ANKIB1: variants seen among roughly 807,000 people sequenced by gnomAD.
The protein encoded by ANKIB1 is ankyrin repeat and IBR domain-containing protein 1.
ANKIB1 carries 43 observed loss-of-function variants against 122.1 expected under a neutral mutation model. The ratio of observed to expected loss-of-function variants is 0.35; its 90% CI spans 0.28 to 0.45. The LOEUF (loss-of-function observed/expected upper bound fraction) is 0.45. ANKIB1 is among the 20% of genes least tolerant of loss of function. The pLI is 1.00. For synonymous variants in ANKIB1, 390 were observed against 442.0 expected (o/e 0.88, Z 1.48); for missense variants, 992 against 1,329.5 (o/e 0.75, Z 3.95).
chr7:92,337,387 C>T (rs1436460613), intron 5 of ANKIB1, among the ~76,000 whole-genome samples: 1 of 152,090 alleles, frequency 6.6e-6, no homozygotes, highest in East Asian at 1.9e-4. Flanking sequence ...TTTAAGAGCT[C>T]TCTTTTTAAA....
rs781148829 is a variant in ANKIB1, at chr7:92,398,470, CCATTTTCAA to C, written c.2793_2801del (p.Phe932_Thr934del). On this transcript the variant is annotated inframe_deletion, in exon 20 of 20. Coordinates refer to ENST00000265742, the MANE Select transcript of ANKIB1 (RefSeq NM_019004.2). ...CATGAGACTAGGAGCAGAGAATGAC[CCATTTTCAA>C]CTGACACCCTGAGCTCACACCCTCT... 3 of 1,613,766 alleles carry C rather than the reference CCATTTTCAA, an allele frequency of 1.9e-6. No individual in the cohort carries two copies. Among genetic ancestry groups the C allele is most frequent in the African/African-American group, 1.3e-5 (1 of 74,904 alleles).
chr7:92,319,571 T>A, intron 4 of ANKIB1, 59 bp downstream of exon 4: 1 of 1,518,114 alleles, frequency 6.6e-7, no homozygotes, highest in Non-Finnish European at 9.0e-7. Flanking sequence ...TTTTATGTTG[T>A]TTTGTATTTT....
chr7:92,326,591 A>G (rs535563486), intron 4 of ANKIB1, among the ~76,000 whole-genome samples: 5 of 152,188 alleles, frequency 3.3e-5, no homozygotes, highest in Non-Finnish European at 5.9e-5. Flanking sequence ...TCTAGAAGCA[A>G]TGTATGACTT....
chr7:92,341,916 G>A (rs1803448482), intron 5 of ANKIB1, among the ~76,000 whole-genome samples: 1 of 152,016 alleles, frequency 6.6e-6, no homozygotes, highest in African/African-American at 2.4e-5. Context: ...TAACCCCATC[G>A]TAAGTCAAGG....
intron 1 of ANKIB1, among the ~76,000 whole-genome samples, chr7:92,290,956 G>A (rs1802232276): frequency 6.6e-6 from 1 of 152,164 alleles, no homozygotes; most frequent in Non-Finnish European, 1.5e-5. Flanking sequence ...TGCTATCACA[G>A]TAGAGTGATT....
chr7:92,333,026 A>G (rs1803202882), intron 5 of ANKIB1, among the ~76,000 whole-genome samples: 1 of 152,174 alleles, frequency 6.6e-6, no homozygotes, highest in Non-Finnish European at 1.5e-5. Context: ...CTGGAACACC[A>G]ACTTCGACAT....
At chr7:92,310,487 T>TATGCTAA (rs1192141029) in intron 3 of ANKIB1, among the ~76,000 whole-genome samples, 1 of 152,202 alleles carries the variant, frequency 6.6e-6, no homozygotes, top group African/African-American at 2.4e-5. Flanking sequence ...ATACTGCTAA[T>TATGCTAA]TAAACCAGAA....
intron 11 of ANKIB1, among the ~76,000 whole-genome samples, chr7:92,382,265 C>T (rs1371006652): frequency 6.6e-6 from 1 of 152,200 alleles, no homozygotes; most frequent in Non-Finnish European, 1.5e-5. Flanking sequence ...TAAAAAGAGA[C>T]TTAGCCTCCC....
intron 2 of ANKIB1, among the ~76,000 whole-genome samples, chr7:92,299,813 G>GT (rs35009495): frequency 0.03 from 4,567 of 150,076 alleles, 256 homozygotes; most frequent in African/African-American, 0.11. Context: ...CAGTAATTTT[G>GT]TTTTTTTTTC....
At chr7:92,339,098 G>A (rs1342689792) in intron 5 of ANKIB1, among the ~76,000 whole-genome samples, 1 of 124,644 alleles carries the variant, frequency 8.0e-6, no homozygotes, top group Non-Finnish European at 1.6e-5. Flanking sequence ...CTAGAGTGTA[G>A]TGGCACTATC....
At chr7:92,255,672 C>T (rs905864738) in intron 1 of ANKIB1, among the ~76,000 whole-genome samples, 1 of 151,880 alleles carries the variant, frequency 6.6e-6, no homozygotes, top group Non-Finnish European at 1.5e-5. Flanking sequence ...TTTTTCTGTT[C>T]TTTGAAAAAA....
intron 1 of ANKIB1, among the ~76,000 whole-genome samples, chr7:92,289,695 TCAATAATGCATG>T (rs769372162): frequency 2.0e-5 from 3 of 152,200 alleles, no homozygotes; most frequent in Admixed American, 6.5e-5. Flanking sequence ...TTACCATTGG[TCAATAATGCATG>T]CAATAATGCA....
intron 4 of ANKIB1, among the ~76,000 whole-genome samples, chr7:92,323,140 T>C (rs1443022036): frequency 6.6e-6 from 1 of 152,208 alleles, no homozygotes; most frequent in Non-Finnish European, 1.5e-5. Flanking sequence ...CCTATATGTC[T>C]TTAGAAATTG....
At chr7:92,309,942 A>AAAAAAAAAAATATATATATATATAT (rs1335765681) in intron 3 of ANKIB1, among the ~76,000 whole-genome samples, 2 of 91,780 alleles carry the variant, frequency 2.2e-5, no homozygotes, top group South Asian at 3.8e-4. Context: ...AAAAAAAAAA[A>AAAAAAAAAAATATATATATATATAT]ATATATATAT....
chr7:92,277,617 A>G (rs1177570212), intron 1 of ANKIB1, among the ~76,000 whole-genome samples: 1 of 152,128 alleles, frequency 6.6e-6, no homozygotes, highest in African/African-American at 2.4e-5. Flanking sequence ...CATTTGCCTC[A>G]CATCTATGGA....
Position 92,371,602 on chromosome 7 carries a change from G to T in ANKIB1, c.1612G>T (p.Ala538Ser). The change falls in exon 11 of 20, where the codon GCT becomes TCT. Residue 538 changes from alanine (A) to serine (S), a missense_variant. Around this residue, in one of 4 missense-constraint regions of ANKIB1, gnomAD observed 521 missense variants for 777.7 expected, o/e 0.67. Transcript: ENST00000265742. ...KNEGCNHMQC[A>S]KCKYDFCWIC... Reference sequence around the variant, plus strand: ...TGAAGGCTGCAATCACATGCAGTGTGCTAAGGTAAGAAGTTAAAGAGGATT... The same window carrying T: ...TGAAGGCTGCAATCACATGCAGTGTTCTAAGGTAAGAAGTTAAAGAGGATT... The T allele has an allele frequency of 1.2e-6, 2 of 1,600,266 alleles. No individual in the cohort carries two copies. Among genetic ancestry groups the T allele is most frequent in the Non-Finnish European group, 1.7e-6 (2 of 1,172,984 alleles).
chr7:92,276,495 G>C (rs12056285), intron 1 of ANKIB1, among the ~76,000 whole-genome samples: 22,396 of 152,192 alleles, frequency 0.15, 2,077 homozygotes, highest in East Asian at 0.38. Flanking sequence ...GTCTTGCAAG[G>C]AGGCCTTTGT....
chr7:92,268,565 C>T (rs1801720252), intron 1 of ANKIB1, among the ~76,000 whole-genome samples: 1 of 152,164 alleles, frequency 6.6e-6, no homozygotes, highest in Non-Finnish European at 1.5e-5. Flanking sequence ...GCAACCTCTG[C>T]CTTCTGGGTT....
intron 10 of ANKIB1, among the ~76,000 whole-genome samples, chr7:92,370,223 T>C (rs1356056324): frequency 6.6e-6 from 1 of 151,464 alleles, no homozygotes; most frequent in African/African-American, 2.4e-5. Context: ...AGTTGGGTAA[T>C]GGGGGCCGGG....
Sources: gnomAD v4.1 joint callset for allele counts (sites outside exome capture counted in the v4.1 genomes callset) on GRCh38, gnomAD v4.1.1 for gene constraint, gnomAD v4.1.1 regional missense constraint, MANE v1.5 for transcripts, NCBI Gene and HGNC (gene_info 2026-07-23, HGNC 2026-07-21) for gene names.